The following RIT2 variants were observed in gnomAD, a reference collection of about 807,000 sequenced individuals.
RIT2 encodes GTP-binding protein Rit2.
A neutral mutation model predicts 23.7 loss-of-function variants in RIT2; 24 were observed. That is an observed-to-expected ratio of 1.01 (90% confidence interval 0.73 to 1.43). The LOEUF (loss-of-function observed/expected upper bound fraction) is 1.43. Ranked by LOEUF, RIT2 falls within the 40% of genes most tolerant of loss-of-function variation. The probability of loss-of-function intolerance (pLI) is 0.00; values close to 1 mark genes in which losing one functional copy is unlikely to be tolerated. For missense variants in RIT2, 236 were observed against 266.9 expected (o/e 0.88, Z 0.81); for synonymous variants, 107 against 91.1 (o/e 1.17, Z -0.99).
At chr18:43,024,520 G>A (rs1362726581) in intron 2 of RIT2, among the ~76,000 whole-genome samples, 1 of 151,948 alleles carries the variant, frequency 6.6e-6, no homozygotes, top group Non-Finnish European at 1.5e-5. Flanking sequence ...ATTCATGACT[G>A]AGACCTCAAA....
intron 2 of RIT2, among the ~76,000 whole-genome samples, chr18:42,986,779 C>T (rs1040238846): frequency 1.2e-4 from 18 of 151,214 alleles, no homozygotes; most frequent in Non-Finnish European, 2.4e-4. Context: ...TGGGATTACA[C>T]GGTAAGCCAC....
intron 4 of RIT2, among the ~76,000 whole-genome samples, chr18:42,802,128 A>T (rs559917898): frequency 6.6e-5 from 10 of 152,340 alleles, no homozygotes; most frequent in Admixed American, 2.6e-4. Flanking sequence ...TCAGAATTAG[A>T]TAGAGTTGAA....
At chr18:43,085,932 A>C (rs1385610698) in intron 1 of RIT2, among the ~76,000 whole-genome samples, 2 of 152,170 alleles carry the variant, frequency 1.3e-5, no homozygotes, top group Non-Finnish European at 2.9e-5. Context: ...GCCTGCCACC[A>C]TGTAAGACAT....
At chr18:42,927,158 T>C (rs530601275) in intron 3 of RIT2, among the ~76,000 whole-genome samples, 2 of 152,108 alleles carry the variant, frequency 1.3e-5, no homozygotes, top group East Asian at 3.9e-4. Context: ...AAATCCTCTT[T>C]TAGCTGCATT....
rs190858006 is a variant in RIT2, at chr18:42,761,198, T to G, written c.427-17478A>C. 4.3e-3 allele frequency among the ~76,000 whole-genome samples: 658 copies of G among 152,314 alleles called. 2 individuals are homozygous for G. The highest frequency in any genetic ancestry group is 6.4e-3 in the Non-Finnish European group (438 of 68,012). ...AATTCCTTGTTTTCCTTCATTATCC[T>G]GTTTTATCCCTTTAGCTTTTCTCCT... On this transcript the variant is annotated intron_variant, in intron 4 of 4. Transcript: ENST00000326695.
intron 4 of RIT2, among the ~76,000 whole-genome samples, chr18:42,837,331 A>C (rs543826144): frequency 1.4e-4 from 21 of 151,448 alleles, no homozygotes; most frequent in African/African-American, 5.1e-4. Flanking sequence ...CCAAGCCTGG[A>C]TAACTTTTGG....
rs551275424 is a variant in RIT2 at position 42,798,767 on chromosome 18, C to G, written c.427-55047G>C. Among the ~76,000 whole-genome samples the G allele has an allele frequency of 1.3e-3, 198 of 152,312 alleles. 2 individuals are homozygous for G. Among genetic ancestry groups the G allele is most frequent in the African/African-American group, 4.5e-3 (188 of 41,572 alleles). ...TTGAAAATTGGGTTGCCACTGATTT[C>G]CAGACAATTGCTTCAGAAAAGGGTT... On this transcript the variant is annotated intron_variant, in intron 4 of 4. Coordinates refer to ENST00000326695, the MANE Select transcript of RIT2 (RefSeq NM_002930.4).
chr18:42,991,650 G>A (rs548577820), intron 2 of RIT2, among the ~76,000 whole-genome samples: 67 of 140,874 alleles, frequency 4.8e-4, no homozygotes, highest in Middle Eastern at 4.4e-3. Flanking sequence ...ATTCCACCAC[G>A]AAAGAAATGA....
At chr18:43,092,675 G>A (rs987879492) in intron 1 of RIT2, among the ~76,000 whole-genome samples, 1 of 152,094 alleles carries the variant, frequency 6.6e-6, no homozygotes, top group East Asian at 1.9e-4. Context: ...AACTGTTATC[G>A]AGACAGAAGC....
chr18:42,960,841 T>C (rs1910079144), intron 3 of RIT2, among the ~76,000 whole-genome samples: 1 of 152,210 alleles, frequency 6.6e-6, no homozygotes, highest in Admixed American at 6.5e-5. Context: ...GGTATACTCA[T>C]CACTTCCTCA....
chr18:42,862,368 A>T (rs1697923192), intron 4 of RIT2, among the ~76,000 whole-genome samples: 1 of 152,148 alleles, frequency 6.6e-6, no homozygotes, highest in Admixed American at 6.5e-5. Flanking sequence ...TGGACCTGTG[A>T]GTCAATTAAA....
rs1911755371 is a variant in RIT2, at chr18:43,027,272, C to T, written c.160+6539G>A. On this transcript the variant is annotated intron_variant, in intron 2 of 4. Coordinates refer to ENST00000326695, the MANE Select transcript of RIT2 (RefSeq NM_002930.4). ...AACTCTGAGCAGCTTTATAGCAAGGCAGTGGAGAAATGCGAAAGGCACTAG... is the reference window on the plus strand; with the variant it reads ...AACTCTGAGCAGCTTTATAGCAAGGTAGTGGAGAAATGCGAAAGGCACTAG... 2.0e-5 allele frequency among the ~76,000 whole-genome samples: 3 copies of T among 151,970 alleles called. No individual in the cohort carries two copies. In the South Asian group the frequency reaches 6.2e-4, roughly 32 times the overall value.
At chr18:43,051,438 C>G (rs1912381383) in intron 1 of RIT2, among the ~76,000 whole-genome samples, 1 of 151,152 alleles carries the variant, frequency 6.6e-6, no homozygotes, top group Non-Finnish European at 1.5e-5. Context: ...GGATGGTGAC[C>G]TTTGCTAAGG....
chr18:42,868,661 C>T (rs1412906618), intron 4 of RIT2, among the ~76,000 whole-genome samples: 3 of 152,140 alleles, frequency 2.0e-5, no homozygotes, highest in Non-Finnish European at 4.4e-5. Context: ...ATACATGAGA[C>T]TCATGAAGAA....
At chr18:43,051,009 A>G (rs1198830678) in intron 1 of RIT2, among the ~76,000 whole-genome samples, 1 of 152,082 alleles carries the variant, frequency 6.6e-6, no homozygotes, top group African/African-American at 2.4e-5. Context: ...GGTGTTAGTG[A>G]GAACCCCAAC....
chr18:43,032,431 ATATAT>A (rs1369631780), intron 2 of RIT2, among the ~76,000 whole-genome samples: 1 of 152,128 alleles, frequency 6.6e-6, no homozygotes, highest in Admixed American at 6.6e-5. Flanking sequence ...ATCATAAATT[ATATAT>A]TATATTATTG....
chr18:42,833,339 G>A (rs971361246), intron 4 of RIT2, among the ~76,000 whole-genome samples: 5 of 152,116 alleles, frequency 3.3e-5, no homozygotes, highest in East Asian at 1.9e-4. Flanking sequence ...TGGCTAAATC[G>A]TATTCCATTC....
intron 2 of RIT2, among the ~76,000 whole-genome samples, chr18:42,977,276 C>G (rs904045632): frequency 2.0e-5 from 3 of 151,852 alleles, no homozygotes; most frequent in Non-Finnish European, 1.5e-5. Flanking sequence ...TACACATTAT[C>G]TGTAAAACAC....
At chr18:42,954,968 C>T (rs568247300) in intron 3 of RIT2, among the ~76,000 whole-genome samples, 11 of 152,178 alleles carry the variant, frequency 7.2e-5, no homozygotes, top group South Asian at 2.1e-4. Flanking sequence ...TTGGGCATTT[C>T]GAAGTATTTT....
Sources: gnomAD v4.1 joint callset for allele counts (sites outside exome capture counted in the v4.1 genomes callset) on GRCh38, gnomAD v4.1.1 for gene constraint, MANE v1.5 for transcripts, NCBI Gene and HGNC (gene_info 2026-07-23, HGNC 2026-07-21) for gene names.